Variants in CCDC146 observed in about 807,000 individuals in gnomAD.
The protein encoded by CCDC146 is coiled-coil domain-containing protein 146.
In CCDC146, 92 loss-of-function variants were observed where a neutral mutation model predicts 119.3. The ratio of observed to expected loss-of-function variants is 0.77; its 90% CI spans 0.65 to 0.92. The LOEUF is 0.92. Ranked by LOEUF, CCDC146 falls within the 40% of genes least tolerant of loss-of-function variation. The pLI, the probability that CCDC146 is intolerant of heterozygous loss-of-function variation, is 0.00. For missense variants in CCDC146, 1,000 were observed against 1,103.0 expected (o/e 0.91, Z 1.32); for synonymous variants, 372 against 371.8 (o/e 1.00, Z -0.01).
intron 11 of CCDC146, 121 bp downstream of exon 11, chr7:77,274,773 C>T (rs1360831536): frequency 1.8e-5 from 14 of 759,612 alleles, no homozygotes; most frequent in Non-Finnish European, 2.3e-5. Flanking sequence ...CAAACTATCG[C>T]AAGGACAAAA....
chr7:77,173,200 T>C (rs1791449965), intron 2 of CCDC146, among the ~76,000 whole-genome samples: 1 of 152,028 alleles, frequency 6.6e-6, no homozygotes, highest in South Asian at 2.1e-4. Flanking sequence ...ACTTATCCCT[T>C]TATTTTTTTT....
In CCDC146 at chr7:77,196,720, G is replaced by T. The variant is rs1447096481; in HGVS notation, c.156+28896G>T. The T allele has an allele frequency of 6.2e-6, 10 of 1,613,992 alleles. No individual in the cohort carries two copies. Among genetic ancestry groups the T allele is most frequent in the Non-Finnish European group, 7.6e-6 (9 of 1,179,976 alleles). On this transcript the variant is annotated intron_variant, in intron 2 of 18. Transcript: ENST00000285871. This position sits in a 1 kb window ranked among gnomAD's most constrained non-coding sequence, Gnocchi z 4.2. ...TTCTCAGAATCATTTCCTTACTCTT[G>T]GTCAGAAGATGAATTTTATCGTTCC...
Position 77,287,595 on chromosome 7 carries a change from C to T in CCDC146, c.2415+18C>T, listed in dbSNP as rs762194066. 7.4e-5 allele frequency: 119 copies of T among 1,607,130 alleles called. No homozygotes were observed. Among genetic ancestry groups the T allele is most frequent in the South Asian group, 1.5e-4 (14 of 90,794 alleles). On this transcript the variant is annotated intron_variant, in intron 17 of 18. Transcript: ENST00000285871. Reference sequence around the variant, plus strand: ...CCAAGAAGGTAGGCCTGAGACCCTGCCTTTTCCCTTCTGCCCCTGCTCCTT... The same window carrying T: ...CCAAGAAGGTAGGCCTGAGACCCTGTCTTTTCCCTTCTGCCCCTGCTCCTT...
At chr7:77,150,817 A>G (rs1430173152) in intron 1 of CCDC146, among the ~76,000 whole-genome samples, 7 of 152,226 alleles carry the variant, frequency 4.6e-5, no homozygotes, top group Non-Finnish European at 8.8e-5. Flanking sequence ...ATGTCTATCA[A>G]TTGGTGAATG....
intron 2 of CCDC146, among the ~76,000 whole-genome samples, chr7:77,209,510 C>A (rs769737702): frequency 6.6e-6 from 1 of 152,208 alleles, no homozygotes; most frequent in Non-Finnish European, 1.5e-5. Context: ...GTGCACGGTG[C>A]AAGCTGTTGG....
intron 2 of CCDC146, among the ~76,000 whole-genome samples, chr7:77,233,212 C>G (rs1454231635): frequency 6.6e-6 from 1 of 151,994 alleles, no homozygotes; most frequent in Non-Finnish European, 1.5e-5. Context: ...CCTCAGCCTC[C>G]CAAGTAGCTG....
intron 9 of CCDC146, among the ~76,000 whole-genome samples, chr7:77,265,280 A>T (rs1432907596): frequency 1.3e-5 from 2 of 152,346 alleles, no homozygotes; most frequent in East Asian, 1.9e-4. Context: ...TTGTACTAAT[A>T]AAACAATTCC....
At chr7:77,163,420 C>G (rs1791291746) in intron 1 of CCDC146, among the ~76,000 whole-genome samples, 1 of 152,072 alleles carries the variant, frequency 6.6e-6, no homozygotes, top group Admixed American at 6.6e-5. Context: ...TGCACTCCAG[C>G]CTGGGAGACA....
intron 2 of CCDC146, among the ~76,000 whole-genome samples, chr7:77,185,615 A>G (rs1791655453): frequency 6.6e-6 from 1 of 152,238 alleles, no homozygotes; most frequent in African/African-American, 2.4e-5. Context: ...AAACCTTCCC[A>G]AGAAGGATAG....
intron 16 of CCDC146, 27 bp from the exon 17 acceptor site, chr7:77,287,413 T>G (rs762456770): frequency 6.2e-7 from 1 of 1,611,096 alleles, no homozygotes; most frequent in Non-Finnish European, 8.5e-7. Context: ...TTTTTTTTAT[T>G]CCTCTTGAAC....
At chr7:77,158,826 G>A (rs1791215100) in intron 1 of CCDC146, among the ~76,000 whole-genome samples, 1 of 152,056 alleles carries the variant, frequency 6.6e-6, no homozygotes, top group Non-Finnish European at 1.5e-5. Context: ...CCAGATATTT[G>A]TTTTATCCAT....
At chr7:77,274,443 C>G (rs1793586538) in intron 10 of CCDC146, 39 bp from the exon 11 acceptor site, 1 of 1,325,518 alleles carries the variant, frequency 7.5e-7, no homozygotes, top group Non-Finnish European at 1.0e-6. Flanking sequence ...TTACTTCAAA[C>G]AAATAACTTA....
chr7:77,257,601 C>T (rs146148559), intron 6 of CCDC146, among the ~76,000 whole-genome samples: 141 of 152,278 alleles, frequency 9.3e-4, no homozygotes, highest in African/African-American at 3.1e-3. Context: ...TTTCTGTTAA[C>T]GAGGGCCCCC....
chr7:77,219,757 G>A (rs540345145), intron 2 of CCDC146, among the ~76,000 whole-genome samples: 6 of 152,234 alleles, frequency 3.9e-5, no homozygotes, highest in South Asian at 2.1e-4. Flanking sequence ...TTGGGTCTCC[G>A]GGGGTGACAT....
chr7:77,139,795 C>T (rs1562813017), intron 1 of CCDC146, among the ~76,000 whole-genome samples: 2 of 151,940 alleles, frequency 1.3e-5, no homozygotes, highest in Admixed American at 6.6e-5. Flanking sequence ...TAAAAAGCTA[C>T]TAGAACTAAA....
Position 77,260,185 on chromosome 7 carries a change from T to G in CCDC146, c.935T>G (p.Val312Gly), listed in dbSNP as rs192333692. Residue 312 changes from valine (V) to glycine (G), a missense_variant, in exon 8 of 19, where the codon GTC becomes GGC. Coordinates refer to ENST00000285871, the MANE Select transcript of CCDC146 (RefSeq NM_020879.3). The stretch of plus-strand genomic sequence containing the variant: ...AAAGAACGAGAACATAACCAATTGG[T>G]CAAGCTATTGGAATTAGCCAGAGAG... ...EIKEREHNQL[V>G]KLLELARENE... 2 of 1,614,042 alleles carry G rather than the reference T, an allele frequency of 1.2e-6. No homozygotes were observed. The highest frequency in any genetic ancestry group is 1.7e-6 in the Non-Finnish European group (2 of 1,180,024).
intron 4 of CCDC146, among the ~76,000 whole-genome samples, chr7:77,253,475 G>A (rs1347845557): frequency 6.6e-6 from 1 of 152,210 alleles, no homozygotes; most frequent in African/African-American, 2.4e-5. Context: ...GTCATTCTGA[G>A]TGACGATCTA....
chr7:77,207,883 A>C (rs1792109186), intron 2 of CCDC146, among the ~76,000 whole-genome samples: 1 of 152,238 alleles, frequency 6.6e-6, no homozygotes, highest in Admixed American at 6.5e-5. Context: ...ACTGTACTTT[A>C]AATCATTCTA....
chr7:77,282,703 A>G lies in CCDC146; in HGVS notation c.2066A>G (p.Lys689Arg). The change falls in exon 15 of 19, where the codon AAG (lysine) becomes AGG (arginine). Residue 689 changes from lysine to arginine, a missense_variant. Lys to Arg is a conservative substitution (Grantham distance 26). Coordinates refer to ENST00000285871, the MANE Select transcript of CCDC146 (RefSeq NM_020879.3). ...TTCCTGAAAATGAAGATTGCTGAGAAGCAAAGACAAATTTGTGTGACCCAG... is the reference window on the plus strand; with the variant it reads ...TTCCTGAAAATGAAGATTGCTGAGAGGCAAAGACAAATTTGTGTGACCCAG... ...IQFLKMKIAE[K>R]QRQICVTQKL... is the part of the protein sequence containing the mutation. 1 of 1,614,256 alleles carries G rather than the reference A, an allele frequency of 6.2e-7. No individual in the cohort carries two copies. The highest frequency in any genetic ancestry group is 8.5e-7 in the Non-Finnish European group (1 of 1,180,046).
Sources: gnomAD v4.1 joint callset for allele counts (sites outside exome capture counted in the v4.1 genomes callset) on GRCh38, gnomAD v4.1.1 for gene constraint, Gnocchi (gnomAD v3.1) non-coding constraint, MANE v1.5 for transcripts, NCBI Gene and HGNC (gene_info 2026-07-23, HGNC 2026-07-21) for gene names.